Variants in LDLRAD3 observed in about 807,000 individuals in gnomAD.
LDLRAD3 encodes the protein low density lipoprotein receptor class A domain containing 3, also known as low-density lipoprotein receptor class A domain-containing protein 3.
LDLRAD3 carries 20 observed loss-of-function variants against 29.4 expected under a neutral mutation model. The ratio of observed to expected loss-of-function variants is 0.68; its 90% CI spans 0.48 to 0.99. LDLRAD3 has a LOEUF of 0.99. Ranked by LOEUF, LDLRAD3 falls within the 50% of genes least tolerant of loss-of-function variation. The probability of loss-of-function intolerance (pLI) is 0.00; values close to 1 mark genes in which losing one functional copy is unlikely to be tolerated. For synonymous variants in LDLRAD3, 157 were observed against 192.7 expected (o/e 0.81, Z 1.53); for missense variants, 420 against 454.3 (o/e 0.92, Z 0.69).
At chr11:35,974,142 C>T (rs575391550) in intron 1 of LDLRAD3, among the ~76,000 whole-genome samples, 2 of 152,046 alleles carry the variant, frequency 1.3e-5, no homozygotes, top group East Asian at 3.9e-4. Flanking sequence ...ATTTATTAGT[C>T]TTTTCTTTCA....
chr11:35,957,629 G>A (rs191349995), intron 1 of LDLRAD3, among the ~76,000 whole-genome samples: 66 of 151,920 alleles, frequency 4.3e-4, no homozygotes, highest in Admixed American at 1.4e-3. Flanking sequence ...GCGAAACCTC[G>A]TCACTACTAA....
rs769956268 is a variant in LDLRAD3, at chr11:36,170,321, T to TGTATATAC, written c.455-56757_455-56756insCGTATATA. Among the ~76,000 whole-genome samples the TGTATATAC allele has an allele frequency of 3.3e-3, 493 of 148,586 alleles. 3 individuals carry two copies. Among genetic ancestry groups the TGTATATAC allele is most frequent in the Non-Finnish European group, 4.0e-3 (272 of 67,412 alleles). ...ATATATATACATATATACGTATATATGTATATATGTACGTATATACGTATA... is the reference window on the plus strand; with the variant it reads ...ATATATATACATATATACGTATATATGTATATACGTATATATGTACGTATATACGTATA... On this transcript the variant is annotated intron_variant, in intron 4 of 5. Transcript: ENST00000315571.
At chr11:35,986,909 G>T (rs991455661) in intron 1 of LDLRAD3, among the ~76,000 whole-genome samples, 9 of 152,334 alleles carry the variant, frequency 5.9e-5, no homozygotes, top group African/African-American at 2.2e-4. Context: ...ATTTACTAGA[G>T]AAAATGAAGA....
At chr11:36,102,046 G>T (rs867610005) in intron 4 of LDLRAD3, 33 of 186,320 alleles carry the variant, frequency 1.8e-4, no homozygotes, top group Admixed American at 6.9e-4. Flanking sequence ...CCGCCACTAC[G>T]CCTGGCTTAT....
chr11:36,147,220 C>G (rs892762104), intron 4 of LDLRAD3, among the ~76,000 whole-genome samples: 4 of 143,884 alleles, frequency 2.8e-5, no homozygotes, highest in African/African-American at 1.0e-4. Flanking sequence ...CTGGTTCATG[C>G]CATTCTCCTG....
intron 1 of LDLRAD3, among the ~76,000 whole-genome samples, chr11:36,007,719 G>A (rs1851903017): frequency 1.3e-5 from 2 of 152,334 alleles, no homozygotes; most frequent in Admixed American, 1.3e-4. Context: ...GGAGACTCGT[G>A]TTAGTTTTTA....
Position 36,081,250 on chromosome 11 carries a change from T to C in LDLRAD3, c.194-403T>C, listed in dbSNP as rs1853108980. Reference sequence around the variant, plus strand: ...ATCCATACAAAGCTCTCAGCACACTTCCTAGTATGGTGAATACTTACTGAA... The same window carrying C: ...ATCCATACAAAGCTCTCAGCACACTCCCTAGTATGGTGAATACTTACTGAA... On this transcript the variant is annotated intron_variant, in intron 2 of 5. Coordinates refer to ENST00000315571, the MANE Select transcript of LDLRAD3 (RefSeq NM_174902.4). Among the ~76,000 whole-genome samples, 3 of 152,186 alleles carry C rather than the reference T, an allele frequency of 2.0e-5. No individual in the cohort carries two copies. In the South Asian group the frequency reaches 6.2e-4, roughly 32 times the overall value.
chr11:35,960,798 T>C (rs960511762), intron 1 of LDLRAD3, among the ~76,000 whole-genome samples: 1 of 152,214 alleles, frequency 6.6e-6, no homozygotes, highest in Non-Finnish European at 1.5e-5. Context: ...AGTCTCACCA[T>C]GTTGGCCAGG....
intron 3 of LDLRAD3, among the ~76,000 whole-genome samples, chr11:36,083,248 C>G (rs1853143150): frequency 6.6e-6 from 1 of 152,212 alleles, no homozygotes; most frequent in Non-Finnish European, 1.5e-5. Flanking sequence ...TATCATGACA[C>G]ATAGCCACCA....
intron 1 of LDLRAD3, among the ~76,000 whole-genome samples, chr11:36,030,634 A>T (rs1213986811): frequency 6.6e-6 from 1 of 152,194 alleles, no homozygotes; most frequent in African/African-American, 2.4e-5. Flanking sequence ...GCTAAGCCGT[A>T]TGTGTGTCTG....
At chr11:35,950,071 G>A (rs1306166083) in intron 1 of LDLRAD3, among the ~76,000 whole-genome samples, 1 of 152,242 alleles carries the variant, frequency 6.6e-6, no homozygotes. Context: ...GGTAGGCGAA[G>A]CCATGTAAAA....
chr11:36,077,060 G>A (rs183934792), intron 2 of LDLRAD3, among the ~76,000 whole-genome samples: 15 of 152,212 alleles, frequency 9.9e-5, no homozygotes, highest in East Asian at 9.7e-4. Flanking sequence ...AAATACTACC[G>A]TAGTTCTAAG....
chr11:35,987,902 G>C (rs1247156592), intron 1 of LDLRAD3, among the ~76,000 whole-genome samples: 1 of 152,146 alleles, frequency 6.6e-6, no homozygotes, highest in Non-Finnish European at 1.5e-5. Context: ...TAAGCGTTCC[G>C]TTTGCTCCAC....
Position 36,229,325 on chromosome 11 carries a change from G to T in LDLRAD3, c.966G>T (p.Gly322=). Residue 322 remains glycine (G), a synonymous_variant, in exon 6 of 6, where the codon GGG becomes GGT. Transcript: ENST00000315571. The part of the protein sequence containing the change: ...LSVEDTSHSP[G]QPGPQEGTAE... ...TGGAAGACACCAGCCACAGCCCGGG[G>T]CAGCCTGGCCCCCAGGAGGGCACTG... 6.2e-7 allele frequency: 1 copy of T among 1,614,136 alleles called. No homozygotes were observed. Among genetic ancestry groups the T allele is most frequent in the Non-Finnish European group, 8.5e-7 (1 of 1,180,030 alleles).
At chr11:35,958,560 G>C (rs1424519968) in intron 1 of LDLRAD3, among the ~76,000 whole-genome samples, 1 of 152,094 alleles carries the variant, frequency 6.6e-6, no homozygotes, top group African/African-American at 2.4e-5. Flanking sequence ...CAATTCTTGA[G>C]GGCCCTCCTT....
At chr11:36,204,413 C>T (rs1855175072) in intron 4 of LDLRAD3, among the ~76,000 whole-genome samples, 1 of 152,118 alleles carries the variant, frequency 6.6e-6, no homozygotes, top group Non-Finnish European at 1.5e-5. Context: ...TCTTCTCCTC[C>T]CATGTCCCTC....
At chr11:36,156,761 A>G (rs941314139) in intron 4 of LDLRAD3, among the ~76,000 whole-genome samples, 3 of 152,218 alleles carry the variant, frequency 2.0e-5, no homozygotes, top group African/African-American at 7.2e-5. Context: ...CATCTTCAGC[A>G]TGATATGGTT....
chr11:36,143,509 C>T lies in LDLRAD3; in HGVS notation c.454+45048C>T, dbSNP rs139080675. 2.8e-3 allele frequency among the ~76,000 whole-genome samples: 428 copies of T among 152,314 alleles called. 4 individuals are homozygous for T. Among genetic ancestry groups the T allele is most frequent in the African/African-American group, 9.7e-3 (404 of 41,560 alleles). On this transcript the variant is annotated intron_variant, in intron 4 of 5. Transcript: ENST00000315571. ...CTCATTGGGCAGGAGGATCCTGTAC[C>T]TGGAAATTATGTATTTTCCCACTTC...
In LDLRAD3 at chr11:36,000,078, C is replaced by T. The variant is rs138893926; in HGVS notation, c.47-36025C>T. ...ATGAATAGGCTAGATCCTCACACAT[C>T]GATGCAGATAAATCTCTAAGGAGAC... On this transcript the variant is annotated intron_variant, in intron 1 of 5. Transcript: ENST00000315571. 1.4e-4 allele frequency among the ~76,000 whole-genome samples: 21 copies of T among 152,080 alleles called. No homozygotes were observed. In the East Asian group the frequency reaches 3.9e-3, roughly 28 times the overall value.
Sources: allele counts gnomAD v4.1 joint callset (sites outside exome capture counted in the v4.1 genomes callset), GRCh38; gene constraint gnomAD v4.1.1; transcripts MANE v1.5; gene names NCBI Gene and HGNC (gene_info 2026-07-23, HGNC 2026-07-21).